PARVA: variants seen among roughly 807,000 people sequenced by gnomAD.
PARVA encodes parvin alpha, also known as alpha-parvin.
PARVA carries 25 observed loss-of-function variants against 52.6 expected under a neutral mutation model. That is an observed-to-expected ratio of 0.48 (90% CI 0.35 to 0.66). The LOEUF (loss-of-function observed/expected upper bound fraction) is 0.66. Among genes scored for constraint, PARVA ranks in the 30% least tolerant of loss-of-function variants. PARVA has a pLI of 0.01. For synonymous variants in PARVA, 185 were observed against 179.1 expected, an observed-to-expected ratio of 1.03 and a Z score of -0.26; for missense variants, 373 against 450.9, an observed-to-expected ratio of 0.83 and a Z score of 1.56.
intron 1 of PARVA, among the ~76,000 whole-genome samples, chr11:12,423,667 A>G (rs891195597): frequency 1.3e-5 from 2 of 152,114 alleles, no homozygotes; most frequent in Non-Finnish European, 2.9e-5. Flanking sequence ...GATATAATAT[A>G]CTTTTCTTCA....
intron 1 of PARVA, among the ~76,000 whole-genome samples, chr11:12,408,818 C>T (rs117567133): frequency 2.6e-5 from 4 of 152,170 alleles, no homozygotes; most frequent in East Asian, 1.9e-4. Flanking sequence ...TGGTGGGAAG[C>T]GGGGTGGTCA....
Position 12,496,463 on chromosome 11 carries a change from C to T in PARVA, c.406C>T (p.Leu136=), listed in dbSNP as rs775728652. The T allele has an allele frequency of 1.2e-5, 20 of 1,607,104 alleles. No individual in the cohort carries two copies. The South Asian group carries it at 2.1e-4, about 17-fold the overall frequency. ...GQVLQKLFEK[L]ESEKLNVAEV... is the part of the protein sequence containing the mutation. ...TTTTCCCTTGTCACCCTCAGAGAAA[C>T]TGGAGAGTGAGAAGCTAAATGTGGC... The change falls in exon 5 of 13, where the codon CTG becomes TTG. Residue 136 remains leucine (L), a synonymous_variant. Transcript: ENST00000334956.
At chr11:12,382,257 C>T (rs1422042555) in intron 1 of PARVA, among the ~76,000 whole-genome samples, 1 of 152,046 alleles carries the variant, frequency 6.6e-6, no homozygotes, top group Non-Finnish European at 1.5e-5. Context: ...TGTATGTGTA[C>T]ATTTTGACAT....
chr11:12,526,311 G>A (rs1941700755), intron 12 of PARVA, among the ~76,000 whole-genome samples: 1 of 152,076 alleles, frequency 6.6e-6, no homozygotes, highest in South Asian at 2.1e-4. Context: ...GATCCCTGTG[G>A]GTATTGACCA....
chr11:12,491,291 G>A (rs988276653), intron 4 of PARVA, among the ~76,000 whole-genome samples: 1 of 152,056 alleles, frequency 6.6e-6, no homozygotes, highest in African/African-American at 2.4e-5. Flanking sequence ...CAGCCCCCCA[G>A]GTAGTTAGGA....
chr11:12,399,918 A>G (rs935373964), intron 1 of PARVA, among the ~76,000 whole-genome samples: 1 of 152,046 alleles, frequency 6.6e-6, no homozygotes, highest in Non-Finnish European at 1.5e-5. Flanking sequence ...TATTTTTTCC[A>G]TATTTAGTGT....
intron 12 of PARVA, 67 bp downstream of exon 12, chr11:12,518,584 A>G: frequency 8.6e-7 from 1 of 1,167,300 alleles, no homozygotes; most frequent in South Asian, 1.3e-5. Flanking sequence ...GAGTACTCAG[A>G]TTTTGTAGCA....
In PARVA at chr11:12,504,499, C is replaced by T. The variant is rs772282175; in HGVS notation, c.657+70C>T. ...TGGAGGTCGAGTTCCTATGGTGCGT[C>T]GAGTAGGTCATTAGAAGGATGGCTG... On this transcript the variant is annotated intron_variant, in intron 6 of 12. Coordinates refer to ENST00000334956, the MANE Select transcript of PARVA (RefSeq NM_018222.5). The T allele has an allele frequency of 5.6e-6, 5 of 894,960 alleles. No homozygotes were observed. The East Asian group carries it at 7.7e-5, about 14-fold the overall frequency. The allele number at this position is 894,960 out of a possible 1,614,324, so 55.4% of individuals were successfully genotyped here. A position where few individuals can be genotyped will look rare whatever the true frequency, so the allele number is the denominator to read the frequency against.
intron 1 of PARVA, among the ~76,000 whole-genome samples, chr11:12,405,821 A>G (rs1456801650): frequency 6.6e-6 from 1 of 151,996 alleles, no homozygotes; most frequent in East Asian, 1.9e-4. Context: ...AGCTGGGCGC[A>G]GTGGCAGGTG....
rs779540133 is a variant in PARVA at position 12,514,005 on chromosome 11, C to T, written c.807C>T (p.Ile269=). ...CTTTGCTTCTCTTTTAGACACTCAT[C>T]ACTTTCGTGAACAAGCACCTGAATA... ...DKLNVVKKTL[I]TFVNKHLNKL... The change falls in exon 10 of 13, where the codon ATC becomes ATT. Residue 269 remains isoleucine, a synonymous_variant. Transcript: ENST00000334956. 2.5e-6 allele frequency: 4 copies of T among 1,613,854 alleles called. No homozygotes were observed. The African/African-American group carries it at 4.0e-5, about 16-fold the overall frequency.
chr11:12,384,079 C>T (rs11022334), intron 1 of PARVA, among the ~76,000 whole-genome samples: 4,972 of 152,200 alleles, frequency 0.033, 129 homozygotes, highest in Admixed American at 0.091. Context: ...CAAGGAGGTC[C>T]CTTCTCTCCT....
intron 1 of PARVA, among the ~76,000 whole-genome samples, chr11:12,396,339 T>A (rs1369257349): frequency 1.3e-5 from 2 of 152,236 alleles, no homozygotes; most frequent in Admixed American, 1.3e-4. Flanking sequence ...AATTTACCAT[T>A]TTTCTAGTCT....
At chr11:12,518,065 G>T (rs536003443) in intron 11 of PARVA, among the ~76,000 whole-genome samples, 1 of 152,148 alleles carries the variant, frequency 6.6e-6, no homozygotes, top group South Asian at 2.1e-4. Context: ...ATGGCCTCTC[G>T]TAGGCTGCCA....
chr11:12,444,644 T>A (rs952963442), intron 1 of PARVA, among the ~76,000 whole-genome samples: 1 of 151,984 alleles, frequency 6.6e-6, no homozygotes, highest in Middle Eastern at 3.2e-3. Context: ...CCCAGTCTGG[T>A]CTCAAACTCC....
intron 4 of PARVA, among the ~76,000 whole-genome samples, chr11:12,482,663 G>A (rs10831831): frequency 0.22 from 33,655 of 151,446 alleles, 4,350 homozygotes; most frequent in Middle Eastern, 0.32. Flanking sequence ...ATTGACTCAC[G>A]GTTCCACATG....
chr11:12,496,607 A>G lies in PARVA; in HGVS notation c.541+9A>G. ...CAAGTGGAATGTGGATTGTGAGTTG[A>G]ACAAAGGAAAGGGGCACCATTAAAC... On this transcript the variant is annotated intron_variant, in intron 5 of 12. Transcript: ENST00000334956. 1 of 1,610,124 alleles carries G rather than the reference A, an allele frequency of 6.2e-7. No homozygotes were observed. Among genetic ancestry groups the G allele is most frequent in the Non-Finnish European group, 8.5e-7 (1 of 1,178,336 alleles).
intron 1 of PARVA, among the ~76,000 whole-genome samples, chr11:12,468,910 C>T (rs554662161): frequency 6.6e-6 from 1 of 152,192 alleles, no homozygotes; most frequent in Non-Finnish European, 1.5e-5. Context: ...TTTTCTGTCA[C>T]AGTTCATTGA....
intron 5 of PARVA, among the ~76,000 whole-genome samples, chr11:12,498,078 G>C (rs1432522920): frequency 6.6e-6 from 1 of 152,186 alleles, no homozygotes; most frequent in East Asian, 1.9e-4. Flanking sequence ...CCCTTGCCCA[G>C]GCTGGAGGGC....
chr11:12,430,864 C>CT (rs1447188432), intron 1 of PARVA, among the ~76,000 whole-genome samples: 2 of 152,178 alleles, frequency 1.3e-5, no homozygotes, highest in African/African-American at 4.8e-5. Flanking sequence ...AAGTCTAGGA[C>CT]TTTCTTTTCC....
Sources: gnomAD v4.1 joint callset for allele counts (sites outside exome capture counted in the v4.1 genomes callset) on GRCh38, gnomAD v4.1.1 for gene constraint, MANE v1.5 for transcripts, NCBI Gene and HGNC (gene_info 2026-07-23, HGNC 2026-07-21) for gene names.